COL4A2: variants seen among roughly 807,000 people sequenced by gnomAD.
The protein encoded by COL4A2 is collagen type IV alpha 2 chain.
A neutral mutation model predicts 200.2 loss-of-function variants in COL4A2; 99 were observed. The ratio of observed to expected loss-of-function variants is 0.49; its 90% CI spans 0.42 to 0.58. COL4A2 has a LOEUF of 0.58. Among genes scored for constraint, COL4A2 ranks in the 20% least tolerant of loss-of-function variants. The pLI, the probability that COL4A2 is intolerant of heterozygous loss-of-function variation, is 0.00. For synonymous variants in COL4A2, 897 were observed against 900.6 expected (o/e 1.00, Z 0.07); for missense variants, 1,950 against 2,314.1 (o/e 0.84, Z 3.23).
intron 6 of COL4A2, 96 bp from the exon 7 acceptor site, chr13:110,428,371 C>A: frequency 2.7e-6 from 2 of 727,578 alleles, no homozygotes; most frequent in Non-Finnish European, 4.7e-6. Flanking sequence ...ATGCCGGGAA[C>A]ATGGCTTATG....
At chr13:110,434,544 T>A in intron 12 of COL4A2, 102 bp downstream of exon 12, 1 of 1,203,044 alleles carries the variant, frequency 8.3e-7, no homozygotes. Context: ...ACTTTTACCT[T>A]GAGTTGATCT....
chr13:110,473,493 G>C (rs912125125), intron 29 of COL4A2: 6 of 272,280 alleles, frequency 2.2e-5, no homozygotes, highest in Non-Finnish European at 3.4e-5. Context: ...ATGAAGAAAA[G>C]ATGGGCCCTG....
chr13:110,422,426 G>C (rs956523949), intron 4 of COL4A2, among the ~76,000 whole-genome samples: 4 of 152,224 alleles, frequency 2.6e-5, no homozygotes, highest in African/African-American at 9.6e-5. Context: ...CGCCTAGGTA[G>C]AAACACAGTG....
intron 3 of COL4A2, among the ~76,000 whole-genome samples, chr13:110,355,314 A>C (rs553396764): frequency 0.016 from 1,664 of 106,660 alleles, 458 homozygotes; most frequent in African/African-American, 0.15. Flanking sequence ...CAGTAGCTCA[A>C]CTGTGTGTGG....
At chr13:110,507,652 A>G (rs749340432) in intron 46 of COL4A2, 7 of 536,524 alleles carry the variant, frequency 1.3e-5, no homozygotes, top group Non-Finnish European at 2.3e-5. Context: ...CTCACCCAAA[A>G]TGCTATTCCA....
chr13:110,467,630 C>T (rs937954921), intron 27 of COL4A2, among the ~76,000 whole-genome samples: 3 of 152,378 alleles, frequency 2.0e-5, no homozygotes, highest in Middle Eastern at 3.4e-3. Flanking sequence ...AGAGCCCATG[C>T]CTAAGGCCGC....
chr13:110,444,066 A>G (rs1200597455), intron 16 of COL4A2, among the ~76,000 whole-genome samples: 1 of 152,140 alleles, frequency 6.6e-6, no homozygotes, highest in Non-Finnish European at 1.5e-5. Context: ...GGAAAGTTTT[A>G]GCTCATTGCT....
At position 110,484,859 on chromosome 13, in the gene COL4A2, G is replaced by A. The variant is rs768113165; in HGVS notation, c.2903-46G>A. The A allele has an allele frequency of 3.9e-5, 60 of 1,553,176 alleles. 1 individual carries two copies. The highest frequency in any genetic ancestry group is 3.6e-4 in the South Asian group (30 of 83,928). On this transcript the variant is annotated intron_variant, in intron 32 of 47. Coordinates refer to ENST00000360467, the MANE Select transcript of COL4A2 (RefSeq NM_001846.4). ...CAGGCCTTCACCTGTGTTCTCCTGC[G>A]TGGTCTGGAGCCCCCAGAAAATGAC...
At chr13:110,360,675 G>C (rs971894817) in intron 4 of COL4A2, among the ~76,000 whole-genome samples, 1 of 152,338 alleles carries the variant, frequency 6.6e-6, no homozygotes. Flanking sequence ...CCAAAACTCC[G>C]TGTGGGCTTG....
intron 13 of COL4A2, 54 bp downstream of exon 13, chr13:110,436,421 A>C: frequency 6.3e-7 from 1 of 1,580,892 alleles, no homozygotes; most frequent in Non-Finnish European, 8.6e-7. Context: ...GGAGAGTAAA[A>C]GTACATTTCT....
At chr13:110,315,505 C>T (rs1885108347) in intron 3 of COL4A2, among the ~76,000 whole-genome samples, 2 of 152,302 alleles carry the variant, frequency 1.3e-5, no homozygotes, top group South Asian at 4.1e-4. Flanking sequence ...AAGTGATTCT[C>T]CTGCCTCAGC....
chr13:110,317,234 CAT>C lies in COL4A2; in HGVS notation c.99+9112_99+9113del, dbSNP rs375468463. 3.2e-3 allele frequency among the ~76,000 whole-genome samples: 483 copies of C among 151,790 alleles called. 2 individuals carry two copies. Among genetic ancestry groups the C allele is most frequent in the African/African-American group, 0.011 (470 of 41,382 alleles). On this transcript the variant is annotated intron_variant, in intron 3 of 47. Transcript: ENST00000360467. ...TGCACCCCACACACACAGACACACA[CAT>C]GTACATATAGACACACTTGCACCAC...
intron 46 of COL4A2, 81 bp downstream of exon 46, chr13:110,506,687 T>A: frequency 7.2e-7 from 1 of 1,381,692 alleles, no homozygotes; most frequent in Non-Finnish European, 9.7e-7. Context: ...ACAGCGAGAC[T>A]CCCAAACCCT....
intron 27 of COL4A2, 108 bp downstream of exon 27, chr13:110,467,204 A>G (rs1882279505): frequency 1.4e-6 from 2 of 1,422,196 alleles, no homozygotes; most frequent in Non-Finnish European, 9.6e-7. Context: ...CCCACCCCAG[A>G]CATGGTCGTG....
chr13:110,438,356 G>A (rs1486167218), intron 14 of COL4A2, among the ~76,000 whole-genome samples: 1 of 152,248 alleles, frequency 6.6e-6, no homozygotes, highest in African/African-American at 2.4e-5. Context: ...GTCACTGCCT[G>A]TCCTCAGAGC....
At chr13:110,337,571 T>C (rs1385730069) in intron 3 of COL4A2, among the ~76,000 whole-genome samples, 2 of 152,156 alleles carry the variant, frequency 1.3e-5, no homozygotes. Flanking sequence ...TGCCTTGGGA[T>C]TCACAAAGCA....
chr13:110,353,281 A>G (rs1223956989), intron 3 of COL4A2, among the ~76,000 whole-genome samples: 1 of 152,214 alleles, frequency 6.6e-6, no homozygotes, highest in Non-Finnish European at 1.5e-5. Context: ...GAAGGGGGTG[A>G]GCAGAGATTT....
At chr13:110,424,667 A>T (rs1880397030) in intron 4 of COL4A2, 67 bp from the exon 5 acceptor site, 1 of 1,088,824 alleles carries the variant, frequency 9.2e-7, no homozygotes, top group Non-Finnish European at 1.3e-6. Context: ...TTTTGAAAGT[A>T]ACCGTAACTG....
chr13:110,399,754 T>C (rs920427513), intron 4 of COL4A2, among the ~76,000 whole-genome samples: 3 of 152,236 alleles, frequency 2.0e-5, no homozygotes, highest in African/African-American at 7.2e-5. Context: ...TTTAATCTGA[T>C]TATGCCTGCC....
Sources: allele counts gnomAD v4.1 joint callset (sites outside exome capture counted in the v4.1 genomes callset), GRCh38; gene constraint gnomAD v4.1.1; transcripts MANE v1.5; gene names NCBI Gene and HGNC (gene_info 2026-07-23, HGNC 2026-07-21).